Variants in MGMT observed in about 807,000 individuals in gnomAD.
The protein encoded by MGMT is O-6-methylguanine-DNA methyltransferase.
Under a neutral mutation model 15.9 loss-of-function variants are expected in MGMT, and 14 were observed. That is an observed-to-expected ratio of 0.88 (90% CI 0.58 to 1.37). MGMT has a LOEUF of 1.37. MGMT is among the 40% of genes most tolerant of loss of function. MGMT has a pLI of 0.00. For missense variants in MGMT, 282 were observed against 268.1 expected (o/e 1.05, Z -0.36); for synonymous variants, 130 against 118.2 (o/e 1.10, Z -0.65).
At chr10:129,542,233 C>T (rs1187484201) in intron 2 of MGMT, among the ~76,000 whole-genome samples, 2 of 152,164 alleles carry the variant, frequency 1.3e-5, no homozygotes, top group Non-Finnish European at 2.9e-5. Context: ...CGACCCTCAG[C>T]CGTGCATGGG....
chr10:129,585,733 G>GT (rs558869040), intron 2 of MGMT, among the ~76,000 whole-genome samples: 1 of 152,238 alleles, frequency 6.6e-6, no homozygotes, highest in Admixed American at 6.5e-5. Context: ...GGTTGAGTCC[G>GT]TGAGTCCGTG....
At chr10:129,610,692 A>G (rs1033511680) in intron 2 of MGMT, among the ~76,000 whole-genome samples, 1 of 152,252 alleles carries the variant, frequency 6.6e-6, no homozygotes, top group Non-Finnish European at 1.5e-5. Flanking sequence ...TGTTTTCCCT[A>G]TGATGGCAGA....
intron 2 of MGMT, among the ~76,000 whole-genome samples, chr10:129,607,739 C>A (rs536269923): frequency 5.3e-5 from 8 of 152,134 alleles, no homozygotes; most frequent in African/African-American, 1.7e-4. Flanking sequence ...TGGTCCAGTG[C>A]GAATTTCTGA....
At chr10:129,474,062 G>C (rs533904330) in intron 1 of MGMT, among the ~76,000 whole-genome samples, 135 of 152,356 alleles carry the variant, frequency 8.9e-4, no homozygotes, top group Non-Finnish European at 1.8e-3. Context: ...ATTTTGAGCA[G>C]AGCAGTGGGA....
chr10:129,536,363 G>A lies in MGMT; in HGVS notation c.111G>A (p.Gly37=). The A allele has an allele frequency of 6.2e-7, 1 of 1,613,332 alleles. No individual in the cohort carries two copies. Among genetic ancestry groups the A allele is most frequent in the Non-Finnish European group, 8.5e-7 (1 of 1,179,822 alleles). ...GLHEIKLLGK[G]TSAADAVEVP... The stretch of plus-strand genomic sequence containing the variant: ...ACGAAATAAAGCTCCTGGGCAAGGG[G>A]ACGTCTGCAGCTGAGTAAGTATGAG... The change falls in exon 2 of 5, where the codon GGG becomes GGA. Residue 37 remains glycine, a synonymous_variant. Coordinates refer to ENST00000651593, the MANE Select transcript of MGMT (RefSeq NM_002412.5).
At chr10:129,737,765 T>C (rs1407019868) in intron 3 of MGMT, among the ~76,000 whole-genome samples, 1 of 152,266 alleles carries the variant, frequency 6.6e-6, no homozygotes, top group Non-Finnish European at 1.5e-5. Context: ...TTAGTTTTCC[T>C]TCTAACATAC....
intron 3 of MGMT, among the ~76,000 whole-genome samples, chr10:129,725,260 C>T (rs1351746401): frequency 2.0e-5 from 3 of 152,246 alleles, no homozygotes; most frequent in East Asian, 3.9e-4. Flanking sequence ...CAGCTGCTCT[C>T]ACCTGTGTGT....
intron 2 of MGMT, among the ~76,000 whole-genome samples, chr10:129,557,937 A>G (rs975006671): frequency 3.9e-5 from 6 of 152,218 alleles, no homozygotes; most frequent in Non-Finnish European, 5.9e-5. Flanking sequence ...TGTCTTCTGT[A>G]GGAAATGAAG....
At chr10:129,525,649 A>G (rs1211201369) in intron 1 of MGMT, among the ~76,000 whole-genome samples, 2 of 152,174 alleles carry the variant, frequency 1.3e-5, no homozygotes. Flanking sequence ...CGATGACAGT[A>G]ATAAAAACCG....
intron 1 of MGMT, among the ~76,000 whole-genome samples, chr10:129,500,826 C>T (rs1035661021): frequency 6.6e-6 from 1 of 152,198 alleles, no homozygotes; most frequent in African/African-American, 2.4e-5. Flanking sequence ...GCTGGGATTA[C>T]AGACATGAGC....
At chr10:129,632,310 C>T (rs968684426) in intron 2 of MGMT, among the ~76,000 whole-genome samples, 3 of 152,132 alleles carry the variant, frequency 2.0e-5, no homozygotes, top group Non-Finnish European at 4.4e-5. Context: ...TGCATGTGGG[C>T]GCCTTGTACT....
At chr10:129,597,738 A>G (rs1394998767) in intron 2 of MGMT, among the ~76,000 whole-genome samples, 2 of 152,174 alleles carry the variant, frequency 1.3e-5, no homozygotes, top group African/African-American at 4.8e-5. Context: ...GGTTGTAGGA[A>G]ATAAAGAGAC....
At chr10:129,741,048 C>T (rs369095205) in intron 3 of MGMT, among the ~76,000 whole-genome samples, 19 of 152,268 alleles carry the variant, frequency 1.2e-4, no homozygotes, top group East Asian at 5.8e-4. Context: ...CAGCTTTCCA[C>T]GCTTATTGGC....
intron 3 of MGMT, among the ~76,000 whole-genome samples, chr10:129,708,801 A>G (rs960784479): frequency 3.9e-5 from 6 of 152,200 alleles, no homozygotes; most frequent in African/African-American, 1.4e-4. Context: ...ATATATCCTT[A>G]AAGGGAAAAA....
At chr10:129,622,935 A>G (rs778072211) in intron 2 of MGMT, among the ~76,000 whole-genome samples, 1 of 152,168 alleles carries the variant, frequency 6.6e-6, no homozygotes, top group African/African-American at 2.4e-5. Flanking sequence ...GGCAGGATCT[A>G]CGTGGGCCGA....
intron 2 of MGMT, among the ~76,000 whole-genome samples, chr10:129,615,161 T>A (rs538241647): frequency 1.3e-5 from 2 of 152,322 alleles, no homozygotes; most frequent in South Asian, 4.1e-4. Context: ...TGGGCAGCTG[T>A]GATTTTAAGT....
rs1848682207 is a variant in MGMT at position 129,745,352 on chromosome 10, A to G, written c.275-13850A>G. Among the ~76,000 whole-genome samples the G allele has an allele frequency of 2.0e-5, 3 of 151,810 alleles. No homozygotes were observed. The South Asian group carries it at 6.3e-4, about 32-fold the overall frequency. ...CACCCCCAAAATCAGGGTGCAGAGG[A>G]GTTCCACCACCTGGACACCCCCACG... On this transcript the variant is annotated intron_variant, in intron 3 of 4. Transcript: ENST00000651593.
chr10:129,666,185 G>A (rs1466276916), intron 2 of MGMT, among the ~76,000 whole-genome samples: 1 of 152,140 alleles, frequency 6.6e-6, no homozygotes, highest in African/African-American at 2.4e-5. Context: ...TAACTTTTCT[G>A]CAAGTTTAAC....
intron 4 of MGMT, among the ~76,000 whole-genome samples, chr10:129,764,698 G>A (rs1469715628): frequency 6.6e-6 from 1 of 152,218 alleles, no homozygotes; most frequent in Non-Finnish European, 1.5e-5. Flanking sequence ...AAAGAAGAGT[G>A]GAGTCGGAGT....
Sources: gnomAD v4.1 joint callset for allele counts (sites outside exome capture counted in the v4.1 genomes callset) on GRCh38, gnomAD v4.1.1 for gene constraint, MANE v1.5 for transcripts, NCBI Gene and HGNC (gene_info 2026-07-23, HGNC 2026-07-21) for gene names.